The following CNBD1 variants were observed in gnomAD, a reference collection of about 807,000 sequenced individuals.
CNBD1 encodes the protein cyclic nucleotide binding domain containing 1.
CNBD1 carries 71 observed loss-of-function variants against 54.4 expected under a neutral mutation model. The observed-to-expected ratio is 1.30, with a 90% CI of 1.08 to 1.59. The LOEUF (loss-of-function observed/expected upper bound fraction) is 1.59. Among genes scored for constraint, CNBD1 ranks in the 40% most tolerant of loss-of-function variants. CNBD1 has a pLI of 0.00. For synonymous variants in CNBD1, 182 were observed against 170.7 expected, an observed-to-expected ratio of 1.07 and a Z score of -0.51; for missense variants, 659 against 518.0, an observed-to-expected ratio of 1.27 and a Z score of -2.64.
At chr8:86,872,609 G>T (rs62528020) in intron 1 of CNBD1, among the ~76,000 whole-genome samples, 55,529 of 151,892 alleles carry the variant, frequency 0.37, 12,516 homozygotes, top group East Asian at 0.56. Context: ...TTAGATTTTT[G>T]ATAGTAGCCA....
At chr8:86,972,826 G>A (rs1313926843) in intron 4 of CNBD1, among the ~76,000 whole-genome samples, 1 of 152,112 alleles carries the variant, frequency 6.6e-6, no homozygotes, top group Non-Finnish European at 1.5e-5. Flanking sequence ...AGACGAGGTT[G>A]GCTGTTATCC....
chr8:87,046,797 C>A (rs1169721202), intron 4 of CNBD1, among the ~76,000 whole-genome samples: 1 of 152,148 alleles, frequency 6.6e-6, no homozygotes, highest in Non-Finnish European at 1.5e-5. Context: ...TATGTCCTGA[C>A]CAGTATCTCA....
At chr8:87,318,271 C>G (rs1432762146) in intron 8 of CNBD1, among the ~76,000 whole-genome samples, 2 of 151,756 alleles carry the variant, frequency 1.3e-5, no homozygotes, top group Non-Finnish European at 2.9e-5. Context: ...CATTGGATTC[C>G]AAGCATTTAA....
At chr8:87,288,837 C>A (rs541913840) in intron 8 of CNBD1, among the ~76,000 whole-genome samples, 1 of 152,092 alleles carries the variant, frequency 6.6e-6, no homozygotes, top group South Asian at 2.1e-4. Flanking sequence ...AATATTTAAC[C>A]TCCTTAGAGA....
chr8:87,256,649 A>G (rs1323943027), intron 6 of CNBD1, among the ~76,000 whole-genome samples: 1 of 115,392 alleles, frequency 8.7e-6, no homozygotes, highest in African/African-American at 3.7e-5. Flanking sequence ...ATATCTAAAG[A>G]TCAGTGATTT....
At chr8:86,952,457 C>A (rs1331746658) in intron 4 of CNBD1, among the ~76,000 whole-genome samples, 1 of 151,574 alleles carries the variant, frequency 6.6e-6, no homozygotes, top group African/African-American at 2.4e-5. Flanking sequence ...AGACATAGTA[C>A]CATTTATGGA....
At chr8:87,392,387 C>T (rs1187133463) in intron 2 of CNBD1, among the ~76,000 whole-genome samples, 2 of 151,716 alleles carry the variant, frequency 1.3e-5, no homozygotes, top group African/African-American at 2.4e-5. Context: ...TTCATAATAG[C>T]CAAAAATCAG....
At chr8:87,378,157 A>C (rs1177660544) in intron 10 of CNBD1, among the ~76,000 whole-genome samples, 4 of 141,104 alleles carry the variant, frequency 2.8e-5, no homozygotes, top group Non-Finnish European at 3.1e-5. Context: ...CTTTAGTTTA[A>C]TTAGATCCCA....
chr8:87,368,724 G>T (rs1343055436), intron 10 of CNBD1, among the ~76,000 whole-genome samples: 3 of 151,928 alleles, frequency 2.0e-5, no homozygotes, highest in Non-Finnish European at 4.4e-5. Context: ...AGGGGTATTT[G>T]GTATTTTGTA....
At chr8:87,337,028 A>G (rs1382835874) in intron 8 of CNBD1, among the ~76,000 whole-genome samples, 1 of 152,050 alleles carries the variant, frequency 6.6e-6, no homozygotes, top group Non-Finnish European at 1.5e-5. Context: ...ACACATTGAG[A>G]TGTCACTCAA....
At chr8:87,219,959 TA>T (rs1477923453) in intron 5 of CNBD1, among the ~76,000 whole-genome samples, 2 of 151,958 alleles carry the variant, frequency 1.3e-5, no homozygotes, top group Non-Finnish European at 2.9e-5. Flanking sequence ...TACTAAAAAA[TA>T]ATAGGCAATA....
chr8:86,901,982 A>G (rs1458118966), intron 2 of CNBD1, among the ~76,000 whole-genome samples: 1 of 152,168 alleles, frequency 6.6e-6, no homozygotes, highest in Non-Finnish European at 1.5e-5. Context: ...ATCTTAGAGC[A>G]AGACAATTGG....
chr8:87,301,036 A>G (rs1423994223), intron 8 of CNBD1, among the ~76,000 whole-genome samples: 2 of 152,154 alleles, frequency 1.3e-5, no homozygotes. Context: ...GACACCACTG[A>G]AATACAGAAG....
At chr8:86,984,942 G>A (rs1808571647) in intron 4 of CNBD1, among the ~76,000 whole-genome samples, 1 of 152,126 alleles carries the variant, frequency 6.6e-6, no homozygotes, top group Non-Finnish European at 1.5e-5. Flanking sequence ...GTGAGGACAT[G>A]AGATTTGGGA....
At chr8:86,875,019 T>TATATATATATATA (rs576186127) in intron 1 of CNBD1, among the ~76,000 whole-genome samples, 3 of 128,500 alleles carry the variant, frequency 2.3e-5, no homozygotes, top group African/African-American at 8.4e-5. Context: ...TATATATATA[T>TATATATATATATA]ATGTATTAAA....
rs535567127 is a variant in CNBD1, at chr8:87,296,946, C to T, written c.1042+10275C>T. The stretch of plus-strand genomic sequence containing the variant: ...ATCCTAGCACTTTGGGAGGCCGAGG[C>T]GGGCGGATCACGAAGTCGGGAAATC... On this transcript the variant is annotated intron_variant, in intron 8 of 10. Coordinates refer to ENST00000518476, the MANE Select transcript of CNBD1 (RefSeq NM_173538.3). Among the ~76,000 whole-genome samples the T allele has an allele frequency of 7.2e-5, 11 of 151,928 alleles. No homozygotes were observed. In the East Asian group the frequency reaches 1.7e-3, roughly 24 times the overall value.
chr8:87,217,681 T>A (rs1814242384), intron 5 of CNBD1, among the ~76,000 whole-genome samples: 1 of 151,956 alleles, frequency 6.6e-6, no homozygotes, highest in South Asian at 2.1e-4. Flanking sequence ...AGCCAACTAT[T>A]CATGATATTT....
chr8:87,424,190 C>T lies in CNBD1; in HGVS notation c.214-4356C>T, dbSNP rs778301403. Among the ~76,000 whole-genome samples, 356 of 151,836 alleles carry T rather than the reference C, an allele frequency of 2.3e-3. 4 individuals are homozygous for T. The highest frequency in any genetic ancestry group is 7.3e-3 in the African/African-American group (302 of 41,216). On this transcript the variant is annotated intron_variant, in intron 2 of 7. Coordinates refer to the CNBD1 transcript ENST00000521593. ...CTTTTTTCTTTATTAGTCTTGCTAG[C>T]GGTCTATCTATTTTGTTGATCCTTT...
chr8:87,217,875 A>C (rs1814246975), intron 5 of CNBD1, among the ~76,000 whole-genome samples: 1 of 152,114 alleles, frequency 6.6e-6, no homozygotes, highest in Admixed American at 6.5e-5. Context: ...ATTTATTGAG[A>C]ATTGGTATTT....
Sources: allele counts gnomAD v4.1 joint callset (sites outside exome capture counted in the v4.1 genomes callset), GRCh38; gene constraint gnomAD v4.1.1; transcripts MANE v1.5; gene names NCBI Gene and HGNC (gene_info 2026-07-23, HGNC 2026-07-21).